Variants in ZNF136 observed in about 807,000 individuals in gnomAD.
The protein encoded by ZNF136 is zinc finger protein 136 (clone pHZ-20).
A neutral mutation model predicts 11.4 loss-of-function variants in ZNF136; 8 were observed. The ratio of observed to expected loss-of-function variants is 0.70; its 90% CI spans 0.41 to 1.27. The LOEUF is 1.27. Among genes scored for constraint, ZNF136 ranks in the 50% most tolerant of loss-of-function variants. ZNF136 has a pLI of 0.01. For missense variants in ZNF136, 590 were observed against 656.5 expected (o/e 0.90, Z 1.11); for synonymous variants, 190 against 207.1 (o/e 0.92, Z 0.71).
chr19:12,187,125 TG>T lies in ZNF136; in HGVS notation c.749del (p.Gly250AspfsTer15). ...GACACATGATAAAGCACACTGGAGA[TG>T]GACCTTATAAATGTAAGGTATGTGG... ...RRHMIKHTGD[G>X]PYKCKVCGKP... On this transcript the variant is annotated frameshift_variant, in exon 4 of 4. Coordinates refer to ENST00000343979, the MANE Select transcript of ZNF136 (RefSeq NM_003437.5). LOFTEE classifies it low-confidence loss of function (END_TRUNC). 6.2e-7 allele frequency: 1 copy of T among 1,613,842 alleles called. No homozygotes were observed. The highest frequency in any genetic ancestry group is 8.5e-7 in the Non-Finnish European group (1 of 1,179,916).
chr19:12,176,597 G>A (rs1394003739), intron 1 of ZNF136, among the ~76,000 whole-genome samples: 1 of 152,134 alleles, frequency 6.6e-6, no homozygotes, highest in African/African-American at 2.4e-5. Flanking sequence ...AAAGTGCTGG[G>A]ATTACAGACG....
chr19:12,187,857 A>G lies in ZNF136; in HGVS notation c.1479A>G (p.Leu493=). The G allele has an allele frequency of 6.2e-7, 1 of 1,604,164 alleles. No individual in the cohort carries two copies. Among genetic ancestry groups the G allele is most frequent in the East Asian group, 2.2e-5 (1 of 44,820 alleles). ...KAFRSSSSFR[L]HERTHTGQKP... is the part of the protein sequence containing the mutation. ...TTAGATCTTCTAGTTCCTTTCGACT[A>G]CATGAAAGGACTCACACTGGACAGA... Residue 493 remains leucine (L), a synonymous_variant, in exon 4 of 4, where the codon CTA becomes CTG. Coordinates refer to ENST00000343979, the MANE Select transcript of ZNF136 (RefSeq NM_003437.5).
chr19:12,176,952 G>C (rs938294297), intron 1 of ZNF136, among the ~76,000 whole-genome samples: 1 of 152,152 alleles, frequency 6.6e-6, no homozygotes, highest in African/African-American at 2.4e-5. Flanking sequence ...ATGTCTGATG[G>C]GGAGACAGAG....
At chr19:12,163,465 G>T (rs1156331809) in intron 1 of ZNF136, among the ~76,000 whole-genome samples, 1 of 152,254 alleles carries the variant, frequency 6.6e-6, no homozygotes, top group Non-Finnish European at 1.5e-5. Flanking sequence ...CAGATTGTGC[G>T]GGGCCCACGC....
intron 1 of ZNF136, among the ~76,000 whole-genome samples, chr19:12,177,431 C>T (rs117771524): frequency 0.021 from 3,209 of 152,354 alleles, 47 homozygotes; most frequent in Non-Finnish European, 0.036. Flanking sequence ...CAACCTCTAC[C>T]TCCCGGGTCC....
chr19:12,186,713 TG>T lies in ZNF136; in HGVS notation c.338del (p.Gly113ValfsTer48). The T allele has an allele frequency of 6.2e-7, 1 of 1,614,132 alleles. No individual in the cohort carries two copies. The highest frequency in any genetic ancestry group is 8.5e-7 in the Non-Finnish European group (1 of 1,179,996). On this transcript the variant is annotated frameshift_variant, in exon 4 of 4. Coordinates refer to ENST00000343979, the MANE Select transcript of ZNF136 (RefSeq NM_003437.5). LOFTEE classifies it low-confidence loss of function (END_TRUNC). The stretch of plus-strand genomic sequence containing the variant: ...AGCATTGTATATGGAGAAGTCAGCA[TG>T]GGTCAGTCATCCCTTAATAGACACA... ...CESIVYGEVSMGQSSLNRHIK... is the reference protein window; with the variant it reads ...CESIVYGEVSXGQSSLNRHIK...
intron 1 of ZNF136, among the ~76,000 whole-genome samples, chr19:12,174,449 C>G (rs1051772399): frequency 1.3e-5 from 2 of 152,140 alleles, no homozygotes; most frequent in African/African-American, 2.4e-5. Context: ...AATAGATGCT[C>G]TTGTTTCAGA....
chr19:12,186,499 A>G, intron 3 of ZNF136, 71 bp from the exon 4 acceptor site: 1 of 1,280,668 alleles, frequency 7.8e-7, no homozygotes. Context: ...AATATTGAAA[A>G]TGCAAGTTTA....
At chr19:12,166,971 A>G (rs1361486532) in intron 1 of ZNF136, among the ~76,000 whole-genome samples, 1 of 152,252 alleles carries the variant, frequency 6.6e-6, no homozygotes, top group Admixed American at 6.5e-5. Context: ...TAAGATCTGC[A>G]AAGATCTGAA....
chr19:12,164,345 C>T (rs1220502689), intron 1 of ZNF136, among the ~76,000 whole-genome samples: 2 of 152,028 alleles, frequency 1.3e-5, no homozygotes, highest in Non-Finnish European at 2.9e-5. Flanking sequence ...GATCTCGGCT[C>T]ACTGCAACCT....
At chr19:12,172,044 T>C (rs1166634796) in intron 1 of ZNF136, among the ~76,000 whole-genome samples, 1 of 151,006 alleles carries the variant, frequency 6.6e-6, no homozygotes, top group Non-Finnish European at 1.5e-5. Flanking sequence ...AGTGGCATGA[T>C]GTTGGCTCAT....
At chr19:12,174,196 C>A (rs1475849813) in intron 1 of ZNF136, among the ~76,000 whole-genome samples, 1 of 152,240 alleles carries the variant, frequency 6.6e-6, no homozygotes, top group Non-Finnish European at 1.5e-5. Context: ...TGAGCCACCA[C>A]ATTTGGCCAA....
At chr19:12,182,113 TTTTAAG>T (rs1244081494) in intron 1 of ZNF136, among the ~76,000 whole-genome samples, 2 of 152,140 alleles carry the variant, frequency 1.3e-5, no homozygotes, top group African/African-American at 2.4e-5. Context: ...AGATGTCATA[TTTTAAG>T]TTTATCATTT....
intron 1 of ZNF136, 89 bp downstream of exon 1, chr19:12,163,295 G>A: frequency 7.6e-7 from 1 of 1,317,166 alleles, no homozygotes; most frequent in Non-Finnish European, 9.8e-7. Flanking sequence ...GGGCCTTCCC[G>A]TGGGCGACTC....
At chr19:12,183,832 G>A (rs900880897) in intron 1 of ZNF136, among the ~76,000 whole-genome samples, 1 of 152,100 alleles carries the variant, frequency 6.6e-6, no homozygotes, top group Non-Finnish European at 1.5e-5. Context: ...GAATTCCTGG[G>A]CTCAAACAAT....
At chr19:12,174,311 T>C (rs1429460144) in intron 1 of ZNF136, among the ~76,000 whole-genome samples, 1 of 152,204 alleles carries the variant, frequency 6.6e-6, no homozygotes, top group African/African-American at 2.4e-5. Context: ...TTTTTTTCAC[T>C]TAGATGATAT....
Position 12,187,526 on chromosome 19 carries a change from T to C in ZNF136, c.1148T>C (p.Met383Thr), listed in dbSNP as rs746521005. 2.8e-5 allele frequency: 45 copies of C among 1,613,332 alleles called. No homozygotes were observed. The highest frequency in any genetic ancestry group is 3.6e-5 in the Non-Finnish European group (42 of 1,179,884). Reference protein sequence around the residue: ...FSCIPSMRRHMIKHTGEGPYK... With the variant: ...FSCIPSMRRHTIKHTGEGPYK... ...TGTATCCCAAGTATGCGAAGACACATGATAAAACATACTGGAGAAGGACCT... is the reference window on the plus strand; with the variant it reads ...TGTATCCCAAGTATGCGAAGACACACGATAAAACATACTGGAGAAGGACCT... Residue 383 changes from methionine to threonine, a missense_variant, in exon 4 of 4, where the codon ATG becomes ACG. Physicochemically the swap from Met to Thr is moderately conservative, Grantham distance 81 (BLOSUM62 -1). Coordinates refer to ENST00000343979, the MANE Select transcript of ZNF136 (RefSeq NM_003437.5).
intron 1 of ZNF136, among the ~76,000 whole-genome samples, chr19:12,169,671 C>T (rs575172919): frequency 2.1e-4 from 31 of 151,018 alleles, no homozygotes; most frequent in Admixed American, 1.3e-3. Context: ...TGCAATGGAG[C>T]GATCTTGGCT....
intron 1 of ZNF136, among the ~76,000 whole-genome samples, chr19:12,165,230 C>T (rs1977169954): frequency 6.6e-6 from 1 of 152,096 alleles, no homozygotes. Flanking sequence ...GTCTCTTGGG[C>T]GGGTGGTCAC....
Sources: gnomAD v4.1 joint callset for allele counts (sites outside exome capture counted in the v4.1 genomes callset) on GRCh38, gnomAD v4.1.1 for gene constraint, MANE v1.5 for transcripts, NCBI Gene and HGNC (gene_info 2026-07-23, HGNC 2026-07-21) for gene names.